CLXN: variants seen among roughly 807,000 people sequenced by gnomAD.
CLXN encodes EF-hand calcium binding domain 1.
chr8:48,713,423 C>T, the CLXN span, among the ~76,000 whole-genome samples: 1 of 152,116 alleles, frequency 6.6e-6, no homozygotes, highest in African/African-American at 2.4e-5. Context: ...GAAATGGCCC[C>T]CTGAGATAAG....
the CLXN span, among the ~76,000 whole-genome samples, chr8:48,717,624 A>G: frequency 6.6e-6 from 1 of 152,242 alleles, no homozygotes; most frequent in Non-Finnish European, 1.5e-5. Flanking sequence ...AAATATGTAG[A>G]CAAATACAGA....
At chr8:48,731,707 T>C in the CLXN span, among the ~76,000 whole-genome samples, 1 of 5,336 alleles carries the variant, frequency 1.9e-4, no homozygotes, top group Non-Finnish European at 3.0e-4. Context: ...GGAATTCCCA[T>C]GTTTAGGGAA....
At chr8:48,724,306 T>C in the CLXN span, 2 of 153,678 alleles carry the variant, frequency 1.3e-5, no homozygotes, top group East Asian at 3.8e-4. Flanking sequence ...TAGAATACTC[T>C]TATTCTTTTG....
chr8:48,726,548 T>TCTAC, the CLXN span, among the ~76,000 whole-genome samples: 1 of 135,974 alleles, frequency 7.4e-6, no homozygotes, highest in South Asian at 2.7e-4. Context: ...TATCCATCCA[T>TCTAC]CTACCTACCC....
At chr8:48,730,618 CATT>C in the CLXN span, 1 of 1,611,148 alleles carries the variant, frequency 6.2e-7, no homozygotes, top group Non-Finnish European at 8.5e-7. Context: ...ACACAGCCAT[CATT>C]ATCTTTATCA....
At chr8:48,711,710 G>A in the CLXN span, 4 of 152,320 alleles carry the variant, frequency 2.6e-5, no homozygotes, top group Middle Eastern at 3.4e-3. Flanking sequence ...TCACTCCACA[G>A]GAGTAAGTGG....
chr8:48,731,684 T>C, the CLXN span, among the ~76,000 whole-genome samples: 1 of 136,260 alleles, frequency 7.3e-6, no homozygotes, highest in African/African-American at 2.8e-5. Context: ...AAAAGCAGCA[T>C]ACCCTCCAAA....
chr8:48,722,610 T>C, the CLXN span, among the ~76,000 whole-genome samples: 28 of 152,286 alleles, frequency 1.8e-4, no homozygotes, highest in Admixed American at 1.6e-3. Context: ...GTTTTCAGTG[T>C]ATCCCTAGAG....
At chr8:48,735,221 C>T in the CLXN span, 5 of 1,549,784 alleles carry the variant, frequency 3.2e-6, no homozygotes, top group South Asian at 3.3e-5. Context: ...CCTCGCGGGA[C>T]CCCCGCGAGC....
the CLXN span, among the ~76,000 whole-genome samples, chr8:48,732,762 T>G: frequency 0.054 from 8,246 of 152,246 alleles, 339 homozygotes; most frequent in African/African-American, 0.11. Context: ...ATTCATACAA[T>G]GAAATATCAT....
the CLXN span, among the ~76,000 whole-genome samples, chr8:48,717,030 T>C: frequency 3.0e-4 from 46 of 152,124 alleles, no homozygotes; most frequent in Admixed American, 1.3e-4. Flanking sequence ...CCAGGCATGG[T>C]GGCACGTGCC....
At chr8:48,735,262 A>G in the CLXN span, 1 of 1,230,234 alleles carries the variant, frequency 8.1e-7, no homozygotes, top group Non-Finnish European at 1.2e-6. Context: ...GTGAGGTCTC[A>G]GTTACTGATC....
chr8:48,719,055 GA>G, the CLXN span, among the ~76,000 whole-genome samples: 13 of 142,934 alleles, frequency 9.1e-5, 1 homozygote, highest in South Asian at 1.3e-3. Context: ...GTCAGACTAA[GA>G]AAAAAAAAAG....
At chr8:48,732,471 A>G in the CLXN span, among the ~76,000 whole-genome samples, 1 of 152,176 alleles carries the variant, frequency 6.6e-6, no homozygotes, top group South Asian at 2.1e-4. Flanking sequence ...GAAACACTAA[A>G]AAGTCTGGGA....
the CLXN span, among the ~76,000 whole-genome samples, chr8:48,717,003 T>C: frequency 1.3e-5 from 2 of 152,052 alleles, no homozygotes; most frequent in African/African-American, 4.8e-5. Context: ...CCATCTCTAC[T>C]AAAAATACAA....
chr8:48,724,777 C>T, the CLXN span: 8 of 1,611,900 alleles, frequency 5.0e-6, no homozygotes, highest in South Asian at 1.1e-5. Flanking sequence ...TCTTTGAATA[C>T]TTGAGCTTCA....
At chr8:48,731,333 T>A in the CLXN span, 1 of 1,583,716 alleles carries the variant, frequency 6.3e-7, no homozygotes, top group African/African-American at 1.4e-5. Flanking sequence ...AATTTGAATC[T>A]TGTGTGTCTC....
At chr8:48,733,470 T>C in the CLXN span, among the ~76,000 whole-genome samples, 126,206 of 152,142 alleles carry the variant, frequency 0.83, 52,468 homozygotes, top group South Asian at 0.87. Context: ...GAACTAGATG[T>C]TCTCTTAAGA....
chr8:48,722,562 A>C, the CLXN span, among the ~76,000 whole-genome samples: 1 of 152,218 alleles, frequency 6.6e-6, no homozygotes, highest in African/African-American at 2.4e-5. Flanking sequence ...TATATGAAAT[A>C]CATATATGTA....
Sources: gnomAD v4.1 joint callset for allele counts (sites outside exome capture counted in the v4.1 genomes callset) on GRCh38, gnomAD v4.1.1 for gene constraint, MANE v1.5 for transcripts, NCBI Gene and HGNC (gene_info 2026-07-23, HGNC 2026-07-21) for gene names.